Variants in PPIL2 observed in about 807,000 individuals in gnomAD.
The protein encoded by PPIL2 is peptidylprolyl isomerase like 2, also known as RING-type E3 ubiquitin-protein ligase PPIL2.
PPIL2 carries 50 observed loss-of-function variants against 75.2 expected under a neutral mutation model. The observed-to-expected ratio is 0.66, with a 90% CI of 0.53 to 0.84. PPIL2 has a LOEUF of 0.84. Ranked by LOEUF, PPIL2 falls within the 40% of genes least tolerant of loss-of-function variation. PPIL2 has a pLI of 0.00. For synonymous variants in PPIL2, 245 were observed against 258.8 expected (o/e 0.95, Z 0.51); for missense variants, 590 against 685.0 (o/e 0.86, Z 1.55).
At position 21,670,554 on chromosome 22, in the gene PPIL2, A is replaced by G; in HGVS notation, c.83-12A>G. 3 of 1,602,878 alleles carry G rather than the reference A, an allele frequency of 1.9e-6. No homozygotes were observed. The highest frequency in any genetic ancestry group is 2.6e-6 in the Non-Finnish European group (3 of 1,170,060). On this transcript the variant is annotated splice_polypyrimidine_tract_variant and intron_variant, in intron 2 of 19. Coordinates refer to ENST00000398831, the MANE Select transcript of PPIL2 (RefSeq NM_014337.4). ...GAGTAAGATTTCTGTTTTTTATTTC[A>G]TTTTTAAACAGATCTCCCACAAACA... is the stretch of plus-strand genomic sequence containing the variant.
At chr22:21,683,637 C>T (rs931260339) in intron 9 of PPIL2, among the ~76,000 whole-genome samples, 1 of 152,226 alleles carries the variant, frequency 6.6e-6, no homozygotes, top group African/African-American at 2.4e-5. Flanking sequence ...GAGCAGTGGC[C>T]TGGGCACTTT....
chr22:21,696,812 TGA>T lies in PPIL2; in HGVS notation c.*1324_*1325del. ...ATCACTGATGCTGAAGCTGCAGGCC[TGA>T]GCCCTTTGTCTCCCTGGATGCTGGG... On this transcript the variant is annotated 3_prime_UTR_variant, in exon 20 of 20. Transcript: ENST00000398831. 6.4e-7 allele frequency: 1 copy of T among 1,554,242 alleles called. No individual in the cohort carries two copies.
chr22:21,686,792 G>A, intron 11 of PPIL2, 100 bp from the exon 12 acceptor site: 4 of 1,243,772 alleles, frequency 3.2e-6, no homozygotes, highest in South Asian at 2.5e-5. Flanking sequence ...CCCAGAGCTG[G>A]AGCCTAGTCC....
In PPIL2 at chr22:21,683,245, A is replaced by G. The variant is rs756165137; in HGVS notation, c.541A>G (p.Ile181Val). Residue 181 changes from isoleucine (I) to valine (V), a missense_variant, in exon 9 of 20, where the codon ATA becomes GTA. Coordinates refer to ENST00000398831, the MANE Select transcript of PPIL2 (RefSeq NM_014337.4). ...NFYHVKNNMK[I>V]IDPDEEKAKQ... The stretch of plus-strand genomic sequence containing the variant: ...CTATCATGTGAAGAATAACATGAAA[A>G]TAATAGACCCAGGTATGTACACCTA... 2 of 1,611,030 alleles carry G rather than the reference A, an allele frequency of 1.2e-6. No individual in the cohort carries two copies. Among genetic ancestry groups the G allele is most frequent in the Non-Finnish European group, 8.5e-7 (1 of 1,177,158 alleles).
chr22:21,675,229 C>T (rs2066790160), intron 6 of PPIL2, 114 bp downstream of exon 6: 13 of 1,034,924 alleles, frequency 1.3e-5, no homozygotes, highest in Non-Finnish European at 1.9e-5. Flanking sequence ...TAGACACCTG[C>T]TTTTAATTCC....
intron 10 of PPIL2, 48 bp from the exon 11 acceptor site, chr22:21,686,435 A>G (rs371713792): frequency 8.9e-5 from 140 of 1,567,960 alleles, no homozygotes; most frequent in Middle Eastern, 3.3e-4. Flanking sequence ...TCCCCACCCA[A>G]CTGCCTCCCA....
chr22:21,666,905 A>G (rs887338981), intron 1 of PPIL2, among the ~76,000 whole-genome samples: 2 of 152,188 alleles, frequency 1.3e-5, no homozygotes, highest in Non-Finnish European at 2.9e-5. Flanking sequence ...CTTAAGAACA[A>G]GTGAGAGACT....
chr22:21,696,806 C>T lies in PPIL2; in HGVS notation c.*1316C>T. ...TCATCAATCACTGATGCTGAAGCTG[C>T]AGGCCTGAGCCCTTTGTCTCCCTGG... On this transcript the variant is annotated 3_prime_UTR_variant, in exon 20 of 20. Coordinates refer to ENST00000398831, the MANE Select transcript of PPIL2 (RefSeq NM_014337.4). 2 of 1,552,266 alleles carry T rather than the reference C, an allele frequency of 1.3e-6. No homozygotes were observed. The highest frequency in any genetic ancestry group is 1.2e-5 in the South Asian group (1 of 84,136).
At chr22:21,692,330 A>AT (rs370700687) in intron 15 of PPIL2, among the ~76,000 whole-genome samples, 11 of 151,252 alleles carry the variant, frequency 7.3e-5, no homozygotes, top group Non-Finnish European at 1.3e-4. Flanking sequence ...AATTTTTTGT[A>AT]TTTTTAGTAG....
chr22:21,672,632 A>G (rs2066679612), intron 5 of PPIL2, among the ~76,000 whole-genome samples: 1 of 152,140 alleles, frequency 6.6e-6, no homozygotes, highest in Admixed American at 6.5e-5. Flanking sequence ...ACTTGATTCT[A>G]TCTGCAAAGA....
chr22:21,666,182 G>A lies in PPIL2; in HGVS notation c.32+51G>A, dbSNP rs772306581. 3.4e-5 allele frequency: 53 copies of A among 1,570,504 alleles called. No homozygotes were observed. The South Asian group carries it at 5.8e-4, about 17-fold the overall frequency. ...GCGCTCCACTCTGCCTCAGTGAACC[G>A]CCTGTCCCGCACTGCGCGCCGCTCG... On this transcript the variant is annotated intron_variant, in intron 1 of 19. Coordinates refer to ENST00000398831, the MANE Select transcript of PPIL2 (RefSeq NM_014337.4).
chr22:21,687,248 CAT>C (rs1475316156), intron 12 of PPIL2, among the ~76,000 whole-genome samples: 4 of 151,572 alleles, frequency 2.6e-5, no homozygotes, highest in African/African-American at 9.7e-5. Context: ...ACACTTCTCC[CAT>C]GCGCTGTACT....
chr22:21,696,961 T>TAA lies in PPIL2; in HGVS notation c.*1472_*1473dup. On this transcript the variant is annotated 3_prime_UTR_variant, in exon 20 of 20. Transcript: ENST00000398831. ...ACCAATCTGTGGCCCTTCATCATGC[T>TAA]AAGAACAAGAACTGCGCCATGGCTG... 6.4e-7 allele frequency: 1 copy of TAA among 1,570,900 alleles called. No homozygotes were observed. The highest frequency in any genetic ancestry group is 1.9e-5 in the Admixed American group (1 of 53,402).
chr22:21,666,800 C>T (rs1452789337), intron 1 of PPIL2, among the ~76,000 whole-genome samples: 1 of 152,134 alleles, frequency 6.6e-6, no homozygotes, highest in Non-Finnish European at 1.5e-5. Context: ...CAGAGCGAGA[C>T]GCTGTCTCAA....
rs1446930055 is a variant in PPIL2, at chr22:21,694,572, ACC to A, written c.1197-20_1197-19del. On this transcript the variant is annotated intron_variant, in intron 16 of 19. Coordinates refer to ENST00000398831, the MANE Select transcript of PPIL2 (RefSeq NM_014337.4). Reference sequence around the variant, plus strand: ...GCCCTCCTTGAGCACACGCAGACCCACCTCTGTCTCCCTGCTGCAGGGTTGTT... The same window carrying A: ...GCCCTCCTTGAGCACACGCAGACCCATCTGTCTCCCTGCTGCAGGGTTGTT... The A allele has an allele frequency of 6.2e-7, 1 of 1,613,574 alleles. No homozygotes were observed. The highest frequency in any genetic ancestry group is 1.1e-5 in the South Asian group (1 of 91,056).
chr22:21,688,173 G>A, intron 14 of PPIL2, 67 bp downstream of exon 14: 3 of 1,595,522 alleles, frequency 1.9e-6, no homozygotes, highest in Non-Finnish European at 2.6e-6. Context: ...GGGGGTAGCT[G>A]GGCAGGGGTT....
rs1601616892 is a variant in PPIL2 at position 21,697,678 on chromosome 22, TG to T, written c.*2191del. 6.5e-6 allele frequency: 1 copy of T among 152,706 alleles called. No homozygotes were observed. The highest frequency in any genetic ancestry group is 2.1e-4 in the South Asian group (1 of 4,830). The allele number at this position is 152,706 out of a possible 1,614,324, so 9.5% of individuals were successfully genotyped here. A position where few individuals can be genotyped will look rare whatever the true frequency, so the allele number is the denominator to read the frequency against. ...CCTGCTCCTTGCAGTGAAGCCACCATGGGTGACCGTCCAGCCTCACCCGGTG... is the reference window on the plus strand; with the variant it reads ...CCTGCTCCTTGCAGTGAAGCCACCATGGTGACCGTCCAGCCTCACCCGGTG... On this transcript the variant is annotated 3_prime_UTR_variant, in exon 20 of 20. Coordinates refer to ENST00000398831, the MANE Select transcript of PPIL2 (RefSeq NM_014337.4).
chr22:21,688,001 G>A (rs2067448060), intron 13 of PPIL2, 72 bp from the exon 14 acceptor site: 1 of 1,585,858 alleles, frequency 6.3e-7, no homozygotes, highest in East Asian at 2.2e-5. Flanking sequence ...CAGGAGGGGT[G>A]TCCTTCAGTC....
Position 21,669,923 on chromosome 22 carries a change from T to A in PPIL2, c.43T>A (p.Cys15Ser), listed in dbSNP as rs749267055. The A allele has an allele frequency of 4.3e-6, 7 of 1,613,992 alleles. No homozygotes were observed. Among genetic ancestry groups the A allele is most frequent in the Middle Eastern group, 1.6e-4 (1 of 6,062 alleles). Reference sequence around the variant, plus strand: ...TCCTCTCTTCTTCAGGTACATTACCTGTGCTGAATACACTCACTTTTATGG... The same window carrying A: ...TCCTCTCTTCTTCAGGTACATTACCAGTGCTGAATACACTCACTTTTATGG... ...QHQKDKMYIT[C>S]AEYTHFYGGK... is the part of the protein sequence containing the mutation. The change falls in exon 2 of 20, where the codon TGT becomes AGT. Residue 15 changes from cysteine to serine, a missense_variant. By Grantham distance (112) the Cys-to-Ser change is moderately radical (BLOSUM62 -1). Coordinates refer to ENST00000398831, the MANE Select transcript of PPIL2 (RefSeq NM_014337.4).
Sources: gnomAD v4.1 joint callset for allele counts (sites outside exome capture counted in the v4.1 genomes callset) on GRCh38, gnomAD v4.1.1 for gene constraint, MANE v1.5 for transcripts, NCBI Gene and HGNC (gene_info 2026-07-23, HGNC 2026-07-21) for gene names.